RPH3A: variants seen among roughly 807,000 people sequenced by gnomAD.
The protein encoded by RPH3A is rabphilin-3A.
RPH3A carries 48 observed loss-of-function variants against 102.2 expected under a neutral mutation model. The observed-to-expected ratio is 0.47, with a 90% confidence interval of 0.37 to 0.60. The LOEUF is 0.60. Among genes scored for constraint, RPH3A ranks in the 20% least tolerant of loss-of-function variants. RPH3A has a pLI of 0.00. For missense variants in RPH3A, 781 were observed against 910.1 expected (o/e 0.86, Z 1.83); for synonymous variants, 310 against 324.3 (o/e 0.96, Z 0.47).
chr12:112,658,817 C>G (rs567193133), intron 1 of RPH3A, among the ~76,000 whole-genome samples: 9 of 152,258 alleles, frequency 5.9e-5, no homozygotes, highest in Admixed American at 5.9e-4. Flanking sequence ...GGTAATGGTT[C>G]CTGTTGGACT....
intron 1 of RPH3A, among the ~76,000 whole-genome samples, chr12:112,588,337 G>A (rs1338679973): frequency 2.0e-5 from 3 of 152,148 alleles, no homozygotes; most frequent in Admixed American, 2.0e-4. Context: ...GGCTGGAGAG[G>A]CCTCACAATC....
intron 1 of RPH3A, among the ~76,000 whole-genome samples, chr12:112,782,256 T>C (rs1457849967): frequency 2.0e-5 from 3 of 152,272 alleles, no homozygotes; most frequent in South Asian, 2.1e-4. Flanking sequence ...AGTCTTCTCA[T>C]CTGAGAAATG....
chr12:112,772,025 C>T (rs1273785255), intron 1 of RPH3A, among the ~76,000 whole-genome samples: 2 of 152,162 alleles, frequency 1.3e-5, no homozygotes, highest in African/African-American at 2.4e-5. Flanking sequence ...AGTTTGAAAA[C>T]ATTGCCCTAC....
At chr12:112,718,975 G>C (rs933387402) in intron 1 of RPH3A, among the ~76,000 whole-genome samples, 2 of 152,172 alleles carry the variant, frequency 1.3e-5, no homozygotes, top group African/African-American at 2.4e-5. Flanking sequence ...TGTTGGTAAG[G>C]CTTCATCTTG....
At chr12:112,617,307 G>T (rs2039687947) in intron 1 of RPH3A, among the ~76,000 whole-genome samples, 1 of 152,144 alleles carries the variant, frequency 6.6e-6, no homozygotes, top group Non-Finnish European at 1.5e-5. Context: ...GGTGTTGGTG[G>T]CAGTATAATT....
At chr12:112,667,710 GAGAGAGAGAGA>G in intron 1 of RPH3A, among the ~76,000 whole-genome samples, 1 of 126,654 alleles carries the variant, frequency 7.9e-6, no homozygotes, top group Middle Eastern at 3.9e-3. Context: ...GAGAGAGAGA[GAGAGAGAGAGA>G]AATTACTGGA....
intron 1 of RPH3A, among the ~76,000 whole-genome samples, chr12:112,583,087 T>G (rs1024115511): frequency 1.3e-5 from 2 of 152,334 alleles, no homozygotes; most frequent in African/African-American, 4.8e-5. Flanking sequence ...GGACAGTGGC[T>G]GGGAGGTAAC....
At chr12:112,758,722 T>C (rs2040836151) in intron 1 of RPH3A, among the ~76,000 whole-genome samples, 2 of 152,186 alleles carry the variant, frequency 1.3e-5, no homozygotes, top group South Asian at 4.1e-4. Flanking sequence ...CCAGTACTCA[T>C]GTGATTCAAA....
At chr12:112,890,664 G>C (rs929145894) in intron 18 of RPH3A, among the ~76,000 whole-genome samples, 185 bp from the exon 19 acceptor site, 4 of 152,220 alleles carry the variant, frequency 2.6e-5, no homozygotes, top group South Asian at 4.1e-4. Flanking sequence ...ATGTGCCTGA[G>C]ACTGGTCCTC....
intron 1 of RPH3A, among the ~76,000 whole-genome samples, chr12:112,667,681 A>T (rs2040096241): frequency 3.9e-5 from 5 of 128,608 alleles, no homozygotes; most frequent in Non-Finnish European, 8.1e-5. Context: ...AGAGAGAGAG[A>T]GAGAGAGAGA....
intron 1 of RPH3A, among the ~76,000 whole-genome samples, chr12:112,583,014 A>G (rs907578210): frequency 1.3e-5 from 2 of 152,112 alleles, no homozygotes; most frequent in Non-Finnish European, 2.9e-5. Context: ...GGCTTCGTGA[A>G]TTTTCCCTGG....
intron 1 of RPH3A, among the ~76,000 whole-genome samples, chr12:112,675,069 A>C (rs1426612376): frequency 6.6e-6 from 1 of 152,172 alleles, no homozygotes. Context: ...ATTTTAACCA[A>C]ATCCCTCTTT....
At chr12:112,648,062 A>G (rs751435892) in intron 1 of RPH3A, among the ~76,000 whole-genome samples, 2 of 152,246 alleles carry the variant, frequency 1.3e-5, no homozygotes, top group African/African-American at 2.4e-5. Flanking sequence ...GAATATGTCT[A>G]TAATCATTGC....
chr12:112,804,024 A>G (rs2136108466), intron 2 of RPH3A, among the ~76,000 whole-genome samples: 1 of 152,356 alleles, frequency 6.6e-6, no homozygotes, highest in African/African-American at 2.4e-5. Context: ...TTGTTATTGC[A>G]TAGGACTTGA....
chr12:112,773,278 T>C (rs2040940485), intron 1 of RPH3A, among the ~76,000 whole-genome samples: 1 of 152,086 alleles, frequency 6.6e-6, no homozygotes, highest in African/African-American at 2.4e-5. Context: ...ACCCCATCCC[T>C]TTTGTTGAAG....
At chr12:112,724,520 T>C (rs887948087) in intron 1 of RPH3A, among the ~76,000 whole-genome samples, 1 of 152,220 alleles carries the variant, frequency 6.6e-6, no homozygotes, top group African/African-American at 2.4e-5. Context: ...CAACTGTATA[T>C]ATACTGCTAT....
intron 2 of RPH3A, among the ~76,000 whole-genome samples, chr12:112,801,278 G>A (rs1005142879): frequency 1.3e-5 from 2 of 152,210 alleles, no homozygotes; most frequent in Admixed American, 1.3e-4. Context: ...AGCAGGAGAA[G>A]CCAGCATTTG....
intron 1 of RPH3A, among the ~76,000 whole-genome samples, chr12:112,715,370 T>G (rs1052200459): frequency 2.0e-5 from 3 of 152,208 alleles, no homozygotes; most frequent in Admixed American, 2.0e-4. Flanking sequence ...TACTTACTGC[T>G]GCTTGATAAC....
At chr12:112,734,939 G>A (rs1056270908) in intron 1 of RPH3A, among the ~76,000 whole-genome samples, 11 of 152,176 alleles carry the variant, frequency 7.2e-5, no homozygotes, top group African/African-American at 1.4e-4. Context: ...CAAGGACTTC[G>A]TGACCTGTAT....
Sources: gnomAD v4.1 joint callset for allele counts (sites outside exome capture counted in the v4.1 genomes callset) on GRCh38, gnomAD v4.1.1 for gene constraint, MANE v1.5 for transcripts, NCBI Gene and HGNC (gene_info 2026-07-23, HGNC 2026-07-21) for gene names.